Variants in EDEM3 observed in about 807,000 individuals in gnomAD.
EDEM3 encodes the protein ER degradation enhancing alpha-mannosidase like protein 3, also known as ER degradation-enhancing alpha-mannosidase-like protein 3.
Under a neutral mutation model 110.2 loss-of-function variants are expected in EDEM3, and 60 were observed. The ratio of observed to expected loss-of-function variants is 0.54; its 90% CI spans 0.44 to 0.67. EDEM3 has a LOEUF of 0.67. Among genes scored for constraint, EDEM3 ranks in the 30% least tolerant of loss-of-function variants. The pLI, the probability that EDEM3 is intolerant of heterozygous loss-of-function variation, is 0.00. For missense variants in EDEM3, 996 were observed against 1,121.0 expected (o/e 0.89, Z 1.59); for synonymous variants, 352 against 382.9 (o/e 0.92, Z 0.94).
rs1651616751 is a variant in EDEM3 at position 184,733,060 on chromosome 1, G to C, written c.459-70C>G. ...TAAAAGTTACCATCTAAAAAGGTGT[G>C]GGTACTTTGTTATACAATTTAACAT... On this transcript the variant is annotated intron_variant, in intron 5 of 19. Transcript: ENST00000318130. 2.0e-6 allele frequency: 3 copies of C among 1,481,780 alleles called. No individual in the cohort carries two copies. The East Asian group carries it at 7.0e-5, about 35-fold the overall frequency. 91.8% of individuals were successfully genotyped at this position (1,481,780 alleles called of 1,614,324 possible). A position where few individuals can be genotyped will look rare whatever the true frequency, so the allele number is the denominator to read the frequency against.
In EDEM3 at chr1:184,710,410, A is replaced by T; in HGVS notation, c.1829T>A (p.Val610Asp). The T allele has an allele frequency of 6.2e-7, 1 of 1,613,866 alleles. No homozygotes were observed. The highest frequency in any genetic ancestry group is 8.5e-7 in the Non-Finnish European group (1 of 1,179,842). ...ATGTCTTACTTGGATTGCATGTTGGACCAACTGGACTCTCCCATCTTTGAG... is the reference window on the plus strand; with the variant it reads ...ATGTCTTACTTGGATTGCATGTTGGTCCAACTGGACTCTCCCATCTTTGAG... ...IHLKDGRVQL[V>D]QHAIQAASSI... The change falls in exon 16 of 20, where the codon GTC becomes GAC. Residue 610 changes from valine (V) to aspartate (D), a missense_variant. Around this residue, in one of 5 missense-constraint regions of EDEM3, gnomAD observed 345 missense variants for 402.0 expected, o/e 0.86. Coordinates refer to ENST00000318130, the MANE Select transcript of EDEM3 (RefSeq NM_025191.4).
intron 17 of EDEM3, among the ~76,000 whole-genome samples, chr1:184,707,552 G>C (rs1299411383): frequency 1.3e-5 from 2 of 152,208 alleles, no homozygotes; most frequent in African/African-American, 4.8e-5. Context: ...TAAATTAGCA[G>C]TAATAGAGTG....
At chr1:184,713,437 T>A (rs539291065) in intron 13 of EDEM3, among the ~76,000 whole-genome samples, 11 of 152,220 alleles carry the variant, frequency 7.2e-5, no homozygotes, top group Non-Finnish European at 1.0e-4. Flanking sequence ...GTTTTAACAA[T>A]TTAAGAAAAG....
intron 2 of EDEM3, among the ~76,000 whole-genome samples, chr1:184,738,936 C>A (rs1261980242): frequency 6.6e-6 from 1 of 152,056 alleles, no homozygotes; most frequent in Non-Finnish European, 1.5e-5. Flanking sequence ...AAAGGATACC[C>A]TGAACCTCTG....
intron 19 of EDEM3, among the ~76,000 whole-genome samples, chr1:184,701,860 T>C (rs1309401336): frequency 1.3e-5 from 2 of 152,086 alleles, no homozygotes; most frequent in Admixed American, 1.3e-4. Context: ...GAAGACAAAA[T>C]TAGGCTAGCA....
chr1:184,728,441 T>C (rs566356299), intron 6 of EDEM3, among the ~76,000 whole-genome samples: 3 of 152,300 alleles, frequency 2.0e-5, no homozygotes, highest in African/African-American at 7.2e-5. Flanking sequence ...CTTTGAATCA[T>C]GAGCGTTTTA....
At chr1:184,699,614 G>A (rs910086226) in intron 19 of EDEM3, among the ~76,000 whole-genome samples, 11 of 151,992 alleles carry the variant, frequency 7.2e-5, no homozygotes, top group African/African-American at 2.6e-4. Context: ...TTCAGCTGTA[G>A]AACAGATTCA....
intron 3 of EDEM3, 141 bp from the exon 4 acceptor site, chr1:184,737,205 A>G (rs1651878143): frequency 1.5e-6 from 1 of 688,368 alleles, no homozygotes; most frequent in Non-Finnish European, 2.5e-6. Flanking sequence ...AATGAAACCT[A>G]TAAGGCTCTG....
At position 184,691,319 on chromosome 1, in the gene EDEM3, C is replaced by T. The variant is rs1649052764; in HGVS notation, c.*2744G>A. ...ACTTTTATATGCAGAAAAAAACTAG[C>T]TATTTTATTTTTAGTAGGTAAACAG... On this transcript the variant is annotated 3_prime_UTR_variant, in exon 20 of 20. Coordinates refer to ENST00000318130, the MANE Select transcript of EDEM3 (RefSeq NM_025191.4). The T allele has an allele frequency of 6.6e-6, 1 of 152,376 alleles. No individual in the cohort carries two copies. Among genetic ancestry groups the T allele is most frequent in the Admixed American group, 6.6e-5 (1 of 15,246 alleles). 9.4% of individuals were successfully genotyped at this position (152,376 alleles called of 1,614,324 possible).
At position 184,754,666 on chromosome 1, in the gene EDEM3, C is replaced by A. The variant is rs1251274345; in HGVS notation, c.-20G>T. ...GCTCATGGCCCCGCGGTTCCGCGCACGCGCAGCTGCTACGCCCGGCCGGTG... is the reference window on the plus strand; with the variant it reads ...GCTCATGGCCCCGCGGTTCCGCGCAAGCGCAGCTGCTACGCCCGGCCGGTG... On this transcript the variant is annotated 5_prime_UTR_variant, in exon 1 of 20. Transcript: ENST00000318130. The A allele has an allele frequency of 2.0e-6, 3 of 1,528,434 alleles. No individual in the cohort carries two copies. The highest frequency in any genetic ancestry group is 2.5e-5 in the East Asian group (1 of 40,580). The allele number at this position is 1,528,434 out of a possible 1,614,324, so 94.7% of individuals were successfully genotyped here. A position where few individuals can be genotyped will look rare whatever the true frequency, so the allele number is the denominator to read the frequency against.
At chr1:184,744,725 G>A (rs1287253118) in intron 2 of EDEM3, among the ~76,000 whole-genome samples, 1 of 151,954 alleles carries the variant, frequency 6.6e-6, no homozygotes, top group African/African-American at 2.4e-5. Flanking sequence ...TAATACTACT[G>A]AGTAATAAAT....
At chr1:184,716,193 C>A (rs1333109408) in intron 13 of EDEM3, among the ~76,000 whole-genome samples, 1 of 152,140 alleles carries the variant, frequency 6.6e-6, no homozygotes, top group East Asian at 1.9e-4. Flanking sequence ...ATCTTCATAT[C>A]TTTAATCCTC....
At position 184,701,579 on chromosome 1, in the gene EDEM3, A is replaced by G. The variant is rs573735669; in HGVS notation, c.2389+1232T>C. 3.6e-4 allele frequency: 452 copies of G among 1,259,214 alleles called. 5 individuals are homozygous for G. The South Asian group carries it at 5.4e-3, about 15-fold the overall frequency. 78.0% of individuals were successfully genotyped at this position (1,259,214 alleles called of 1,614,324 possible). A position where few individuals can be genotyped will look rare whatever the true frequency, so the allele number is the denominator to read the frequency against. On this transcript the variant is annotated intron_variant, in intron 19 of 19. Coordinates refer to ENST00000318130, the MANE Select transcript of EDEM3 (RefSeq NM_025191.4). ...CAGTGGTAGCACAAAATAGGGGGAA[A>G]AAAAGCAAATGCATTAAAGAGTTAC...
chr1:184,723,891 G>C (rs761940267), intron 7 of EDEM3, 35 bp from the exon 8 acceptor site: 1 of 1,136,054 alleles, frequency 8.8e-7, no homozygotes, highest in Admixed American at 2.6e-5. Context: ...AAAAAGAAGT[G>C]CATATTTGAA....
intron 19 of EDEM3, among the ~76,000 whole-genome samples, chr1:184,696,478 G>A (rs1446271680): frequency 6.6e-6 from 1 of 151,516 alleles, no homozygotes; most frequent in African/African-American, 2.4e-5. Flanking sequence ...CCTTTATGAT[G>A]GGGAGGAAAG....
intron 6 of EDEM3, among the ~76,000 whole-genome samples, chr1:184,729,447 T>C (rs1485295613): frequency 1.3e-5 from 2 of 152,194 alleles, no homozygotes; most frequent in East Asian, 1.9e-4. Context: ...TGAGGTCTTA[T>C]CTGAAAAGCT....
chr1:184,695,475 C>A (rs1649283379), intron 19 of EDEM3, among the ~76,000 whole-genome samples: 1 of 151,956 alleles, frequency 6.6e-6, no homozygotes, highest in African/African-American at 2.4e-5. Flanking sequence ...ACAGTATTTG[C>A]ATATAACTGA....
chr1:184,706,809 C>T lies in EDEM3; in HGVS notation c.2038-1G>A. ...TACTGCTTGCAACAAATCCTCTTGTCTGTCAGAAATAAAAGCAACTTAAAT... is the reference window on the plus strand; with the variant it reads ...TACTGCTTGCAACAAATCCTCTTGTTTGTCAGAAATAAAAGCAACTTAAAT... On this transcript the variant is annotated splice_acceptor_variant, in intron 17 of 19. Transcript: ENST00000318130. LOFTEE classifies it high-confidence loss of function. 1 of 1,612,600 alleles carries T rather than the reference C, an allele frequency of 6.2e-7. No homozygotes were observed. Among genetic ancestry groups the T allele is most frequent in the East Asian group, 2.2e-5 (1 of 44,852 alleles).
chr1:184,704,778 C>A (rs978918626), intron 18 of EDEM3, among the ~76,000 whole-genome samples: 3 of 151,440 alleles, frequency 2.0e-5, no homozygotes. Flanking sequence ...ATTTGACGGG[C>A]CAGGCTTGGT....
Sources: allele counts gnomAD v4.1 joint callset (sites outside exome capture counted in the v4.1 genomes callset), GRCh38; gene constraint gnomAD v4.1.1; regional missense constraint gnomAD v4.1.1; transcripts MANE v1.5; gene names NCBI Gene and HGNC (gene_info 2026-07-23, HGNC 2026-07-21).